The following SERF2 variants were observed in gnomAD, a reference collection of about 807,000 sequenced individuals.
The protein encoded by SERF2 is small EDRK-rich factor 2.
Under a neutral mutation model 10.7 loss-of-function variants are expected in SERF2, and 4 were observed. The observed-to-expected ratio is 0.37, with a 90% CI of 0.18 to 0.86. The LOEUF is 0.86. SERF2 is among the 40% of genes least tolerant of loss of function. The pLI is 0.43. For synonymous variants in SERF2, 26 were observed against 26.0 expected (o/e 1.00, Z 0.01); for missense variants, 47 against 79.1 (o/e 0.59, Z 1.54).
chr15:43,789,958 T>C (rs1263778730), upstream of SERF2, among the ~76,000 whole-genome samples: 3 of 151,922 alleles, frequency 2.0e-5, no homozygotes, highest in Non-Finnish European at 4.4e-5. Flanking sequence ...CTGACCAACA[T>C]GGTTAAAGCC....
chr15:43,785,467 T>A (rs1400061086), exon 2 of SERF2: 1 of 152,068 alleles, frequency 6.6e-6, no homozygotes, highest in African/African-American at 2.4e-5. Context: ...CACGACTCAC[T>A]ACAACTTTGA....
chr15:43,784,705 C>A (rs1596033785), intron 1 of SERF2, among the ~76,000 whole-genome samples: 4 of 151,184 alleles, frequency 2.6e-5, no homozygotes, highest in Admixed American at 1.3e-4. Context: ...ATCCGCCTGC[C>A]TCAGCCTCCC....
chr15:43,790,645 T>C (rs911838057), upstream of SERF2, among the ~76,000 whole-genome samples: 1 of 152,104 alleles, frequency 6.6e-6, no homozygotes, highest in Non-Finnish European at 1.5e-5. Context: ...GGCGGGTGCC[T>C]GTAATCGCAG....
In SERF2 at chr15:43,795,050, G is replaced by T; in HGVS notation, c.*1277G>T. The stretch of plus-strand genomic sequence containing the variant: ...GGGGATATGATGCGGTGGCGGCGGC[G>T]CCTCAAGATAAGGGGCTGGGGTTTC... On this transcript the variant is annotated 3_prime_UTR_variant, in exon 3 of 3. Transcript: ENST00000249786. The T allele has an allele frequency of 6.2e-7, 1 of 1,612,776 alleles. No homozygotes were observed. Among genetic ancestry groups the T allele is most frequent in the Non-Finnish European group, 8.5e-7 (1 of 1,179,902 alleles).
upstream of SERF2, chr15:43,792,056 C>T (rs941703541): frequency 1.6e-5 from 8 of 504,906 alleles, no homozygotes; most frequent in Middle Eastern, 5.5e-4. Flanking sequence ...GGGAGCGCCA[C>T]ATCGCCAGCC....
At chr15:43,785,706 T>TC (rs1385108259) in intron 2 of SERF2, among the ~76,000 whole-genome samples, 4 of 140,438 alleles carry the variant, frequency 2.8e-5, no homozygotes, top group Non-Finnish European at 4.5e-5. Context: ...TTCTTTTTCT[T>TC]TTTTTTTTTT....
chr15:43,787,004 GTT>G (rs71111826), intron 2 of SERF2, among the ~76,000 whole-genome samples: 44 of 125,946 alleles, frequency 3.5e-4, no homozygotes, highest in Admixed American at 5.4e-4. Context: ...TCGTTTTTTT[GTT>G]TTTTTTTTTT....
chr15:43,793,467 G>C (rs1393788014), intron 2 of SERF2: 2 of 1,152,542 alleles, frequency 1.7e-6, no homozygotes, highest in African/African-American at 1.6e-5. Flanking sequence ...CCTCAATACA[G>C]AATAGAGACC....
intron 2 of SERF2, among the ~76,000 whole-genome samples, chr15:43,786,585 G>A (rs1009840697): frequency 3.9e-5 from 6 of 152,140 alleles, no homozygotes; most frequent in Non-Finnish European, 7.3e-5. Context: ...TCTTGTGTGT[G>A]TTTGATTAAA....
Position 43,795,308 on chromosome 15 carries a change from T to G in SERF2, c.*1535T>G. 6.3e-7 allele frequency: 1 copy of G among 1,582,182 alleles called. No homozygotes were observed. Among genetic ancestry groups the G allele is most frequent in the Non-Finnish European group, 8.7e-7 (1 of 1,151,636 alleles). ...CCAAATATAATGGCAGACCCATGTG[T>G]GTCTGGAATGGCCTTGAATTGCTCT... On this transcript the variant is annotated 3_prime_UTR_variant, in exon 3 of 3. Transcript: ENST00000249786.
rs1452117296 is a variant in SERF2 at position 43,793,904 on chromosome 15, C to T, written c.*131C>T. 1 of 1,585,786 alleles carries T rather than the reference C, an allele frequency of 6.3e-7. No homozygotes were observed. The highest frequency in any genetic ancestry group is 1.3e-5 in the African/African-American group (1 of 74,586). On this transcript the variant is annotated 3_prime_UTR_variant, in exon 3 of 3. Transcript: ENST00000249786. ...TGGCATTCCCTTTGCCCTGAGTCTG[C>T]AGCGGGTCCCTTTTGTGCTTCCTTC...
chr15:43,784,777 G>T (rs1001032210), intron 1 of SERF2, among the ~76,000 whole-genome samples: 1 of 142,986 alleles, frequency 7.0e-6, no homozygotes, highest in Admixed American at 7.2e-5. Context: ...TTTTGAGACG[G>T]TGTCTCACTC....
chr15:43,787,803 A>G (rs2087019940), upstream of SERF2, among the ~76,000 whole-genome samples: 1 of 150,632 alleles, frequency 6.6e-6, no homozygotes, highest in Non-Finnish European at 1.5e-5. Flanking sequence ...AGCTCAAGCC[A>G]TCCTTCCACC....
At chr15:43,791,390 C>G (rs1162008003), upstream of SERF2, among the ~76,000 whole-genome samples, 1 of 151,880 alleles carries the variant, frequency 6.6e-6, no homozygotes, top group Non-Finnish European at 1.5e-5. Context: ...TACAGGCGCG[C>G]CACCACGCCC....
At chr15:43,793,345 C>G in intron 2 of SERF2, 1 of 580,032 alleles carries the variant, frequency 1.7e-6, no homozygotes. Flanking sequence ...GGGCAGGGAG[C>G]TTCACATTTC....
intron 2 of SERF2, chr15:43,793,502 T>A: frequency 1.4e-6 from 2 of 1,427,504 alleles, no homozygotes; most frequent in Non-Finnish European, 1.9e-6. Flanking sequence ...ACCAGACTTC[T>A]GACCCCTTGG....
At chr15:43,791,415 A>G (rs544041577), upstream of SERF2, among the ~76,000 whole-genome samples, 3 of 137,368 alleles carry the variant, frequency 2.2e-5, no homozygotes, top group East Asian at 2.4e-4. Context: ...AATTTTTTGT[A>G]TTTTTAGGGT....
chr15:43,792,867 G>C, intron 1 of SERF2, 108 bp from the exon 2 acceptor site: 1 of 818,416 alleles, frequency 1.2e-6, no homozygotes, highest in Non-Finnish European at 2.0e-6. Context: ...TCGGGGCCCG[G>C]AGATTGAAGT....
intron 1 of SERF2, among the ~76,000 whole-genome samples, chr15:43,780,129 A>G (rs1250210768): frequency 6.6e-6 from 1 of 152,040 alleles, no homozygotes; most frequent in East Asian, 1.9e-4. Context: ...GCAAATTTAA[A>G]AAATGTTTAT....
Sources: gnomAD v4.1 joint callset for allele counts (sites outside exome capture counted in the v4.1 genomes callset) on GRCh38, gnomAD v4.1.1 for gene constraint, MANE v1.5 for transcripts, NCBI Gene and HGNC (gene_info 2026-07-23, HGNC 2026-07-21) for gene names.